Variants in ZMIZ1 observed in about 807,000 individuals in gnomAD.
The protein encoded by ZMIZ1 is zinc finger MIZ-type containing 1, also known as zinc finger MIZ domain-containing protein 1.
In ZMIZ1, 17 loss-of-function variants were observed where a neutral mutation model predicts 113.9. The observed-to-expected ratio is 0.15, with a 90% CI of 0.10 to 0.22. The LOEUF (loss-of-function observed/expected upper bound fraction) is 0.22, where lower values mean the gene tolerates loss of function less well. ZMIZ1 is among the 10% of genes least tolerant of loss of function. The pLI, the probability that ZMIZ1 is intolerant of heterozygous loss-of-function variation, is 1.00. For synonymous variants in ZMIZ1, 607 were observed against 603.1 expected (o/e 1.01, Z -0.09); for missense variants, 1,059 against 1,477.8 (o/e 0.72, Z 4.65).
At chr10:79,264,071 G>T (rs909481051) in intron 7 of ZMIZ1, among the ~76,000 whole-genome samples, 2 of 152,232 alleles carry the variant, frequency 1.3e-5, no homozygotes, top group Admixed American at 6.5e-5. Flanking sequence ...CATGCGGAAT[G>T]GAAAGCAGGC....
In ZMIZ1 at chr10:79,290,970, C is replaced by A. The variant is rs753472312; in HGVS notation, c.552C>A (p.Asn184Lys). Reference sequence around the variant, plus strand: ...TTCTCTGCCCACAGGTCCTTGGGAACCCTATGGCCAATGCCAACAACCCCA... The same window carrying A: ...TTCTCTGCCCACAGGTCCTTGGGAAACCTATGGCCAATGCCAACAACCCCA... Reference protein sequence around the residue: ...TNTSQSQVLGNPMANANNPMN... With the variant: ...TNTSQSQVLGKPMANANNPMN... The change falls in exon 10 of 25, where the codon AAC becomes AAA. Residue 184 changes from asparagine to lysine, a missense_variant. Coordinates refer to ENST00000334512, the MANE Select transcript of ZMIZ1 (RefSeq NM_020338.4). 13 of 1,613,702 alleles carry A rather than the reference C, an allele frequency of 8.1e-6. No homozygotes were observed. The highest frequency in any genetic ancestry group is 1.3e-5 in the African/African-American group (1 of 74,940).
chr10:79,259,147 C>G (rs1280923723), intron 7 of ZMIZ1, among the ~76,000 whole-genome samples: 1 of 152,144 alleles, frequency 6.6e-6, no homozygotes, highest in East Asian at 1.9e-4. Flanking sequence ...ATGTTGTTGC[C>G]CTGTCGAGCC....
chr10:79,217,293 C>T (rs548030268), intron 7 of ZMIZ1, among the ~76,000 whole-genome samples: 3 of 152,216 alleles, frequency 2.0e-5, no homozygotes, highest in East Asian at 3.9e-4. Flanking sequence ...GGTGTGGTGG[C>T]GGGCGCCTGT....
intron 6 of ZMIZ1, among the ~76,000 whole-genome samples, chr10:79,215,506 C>T (rs187363828): frequency 6.6e-6 from 1 of 152,212 alleles, no homozygotes; most frequent in African/African-American, 2.4e-5. Flanking sequence ...ACCATGTTGC[C>T]CAGGCTGGTC....
chr10:79,223,664 GA>G (rs1849085324), intron 7 of ZMIZ1, among the ~76,000 whole-genome samples: 1 of 152,266 alleles, frequency 6.6e-6, no homozygotes, highest in Admixed American at 6.5e-5. Flanking sequence ...AATAGAGGAG[GA>G]AACGGGAAGA....
At chr10:79,120,564 C>A (rs1436891724) in intron 2 of ZMIZ1, among the ~76,000 whole-genome samples, 1 of 152,146 alleles carries the variant, frequency 6.6e-6, no homozygotes, top group Non-Finnish European at 1.5e-5. Flanking sequence ...ATGTGACTGA[C>A]CATGGACAAG....
At chr10:79,168,857 A>G (rs903140646) in intron 4 of ZMIZ1, among the ~76,000 whole-genome samples, 7 of 152,176 alleles carry the variant, frequency 4.6e-5, no homozygotes, top group Non-Finnish European at 1.0e-4. Flanking sequence ...TGGGCCCCAG[A>G]AAACTTTCTA....
At chr10:79,203,552 C>T (rs1248688670) in intron 5 of ZMIZ1, among the ~76,000 whole-genome samples, 1 of 152,188 alleles carries the variant, frequency 6.6e-6, no homozygotes, top group Non-Finnish European at 1.5e-5. Flanking sequence ...ATGGAATGCT[C>T]ATGCCTCCTG....
intron 16 of ZMIZ1, among the ~76,000 whole-genome samples, chr10:79,300,219 C>T (rs1213023700): frequency 6.6e-6 from 1 of 152,256 alleles, no homozygotes; most frequent in East Asian, 1.9e-4. Context: ...GAGGCCTCCT[C>T]TTCCTGGCTT....
At chr10:79,220,694 C>T (rs1034481361) in intron 7 of ZMIZ1, among the ~76,000 whole-genome samples, 7 of 152,196 alleles carry the variant, frequency 4.6e-5, no homozygotes, top group African/African-American at 1.7e-4. Flanking sequence ...TCTAGCTTCC[C>T]GTGGCTTTCT....
chr10:79,252,869 T>C (rs1052288582), intron 7 of ZMIZ1, among the ~76,000 whole-genome samples: 5 of 152,370 alleles, frequency 3.3e-5, no homozygotes, highest in Admixed American at 3.3e-4. Context: ...GAATGTGGCA[T>C]TTCTTCAAGT....
intron 8 of ZMIZ1, among the ~76,000 whole-genome samples, chr10:79,286,078 G>T (rs1439534199): frequency 6.6e-6 from 1 of 152,214 alleles, no homozygotes; most frequent in Non-Finnish European, 1.5e-5. Flanking sequence ...GTGTGATACT[G>T]GGCAGGCCAT....
chr10:79,283,165 G>A (rs1397796280), intron 8 of ZMIZ1, among the ~76,000 whole-genome samples: 2 of 152,242 alleles, frequency 1.3e-5, no homozygotes, highest in Non-Finnish European at 2.9e-5. Flanking sequence ...ATTGAGAGGT[G>A]CCTTCCTCCT....
At chr10:79,110,867 G>A (rs1309514349) in intron 1 of ZMIZ1, among the ~76,000 whole-genome samples, 2 of 152,188 alleles carry the variant, frequency 1.3e-5, no homozygotes, top group African/African-American at 4.8e-5. Flanking sequence ...TGAACTTCAT[G>A]ACCAATGGAC....
chr10:79,245,963 A>T (rs1301222098), intron 7 of ZMIZ1, among the ~76,000 whole-genome samples: 1 of 152,236 alleles, frequency 6.6e-6, no homozygotes, highest in East Asian at 1.9e-4. Context: ...CCAGGAGGAT[A>T]GACTTAAGAC....
intron 1 of ZMIZ1, among the ~76,000 whole-genome samples, chr10:79,109,609 C>T (rs918026045): frequency 1.3e-5 from 2 of 152,204 alleles, no homozygotes; most frequent in African/African-American, 4.8e-5. Context: ...TCCTGATCCA[C>T]CCTTTGTTTC....
rs1225333508 is a variant in ZMIZ1, at chr10:79,069,462, G to T, written c.-337+192G>T. On this transcript the variant is annotated intron_variant, in intron 1 of 24. Coordinates refer to ENST00000334512, the MANE Select transcript of ZMIZ1 (RefSeq NM_020338.4). This position sits in a 1 kb window ranked among gnomAD's most constrained non-coding sequence, Gnocchi z 4.6. ...TGGCGGCCGGGGGCCGAGGCCCGGCGGCCGGCGAGCTCCCGGCTGCGCGGA... is the reference window on the plus strand; with the variant it reads ...TGGCGGCCGGGGGCCGAGGCCCGGCTGCCGGCGAGCTCCCGGCTGCGCGGA... Among the ~76,000 whole-genome samples, 6 of 151,384 alleles carry T rather than the reference G, an allele frequency of 4.0e-5. No individual in the cohort carries two copies. Among genetic ancestry groups the T allele is most frequent in the Non-Finnish European group, 8.8e-5 (6 of 67,834 alleles).
intron 4 of ZMIZ1, among the ~76,000 whole-genome samples, chr10:79,196,402 G>A (rs1413375109): frequency 6.6e-6 from 1 of 152,130 alleles, no homozygotes; most frequent in Admixed American, 6.5e-5. Context: ...AGTGCCCCTT[G>A]GCCTTGAACA....
chr10:79,291,333 C>T (rs972026774), intron 10 of ZMIZ1, among the ~76,000 whole-genome samples, 157 bp downstream of exon 10: 3 of 152,246 alleles, frequency 2.0e-5, no homozygotes, highest in East Asian at 1.9e-4. Flanking sequence ...ATCCCTGGCT[C>T]CCAGGGCTGG....
Sources: gnomAD v4.1 joint callset for allele counts (sites outside exome capture counted in the v4.1 genomes callset) on GRCh38, gnomAD v4.1.1 for gene constraint, Gnocchi (gnomAD v3.1) non-coding constraint, MANE v1.5 for transcripts, NCBI Gene and HGNC (gene_info 2026-07-23, HGNC 2026-07-21) for gene names.